The following FRMPD4 variants were observed in gnomAD, a reference collection of about 807,000 sequenced individuals.
The protein encoded by FRMPD4 is FERM and PDZ domain containing 4.
In FRMPD4, 22 loss-of-function variants were observed where a neutral mutation model predicts 94.1. That is an observed-to-expected ratio of 0.23 (90% CI 0.17 to 0.33). FRMPD4 has a LOEUF of 0.33. Ranked by LOEUF, FRMPD4 falls within the 10% of genes least tolerant of loss-of-function variation. The probability of loss-of-function intolerance (pLI) is 1.00; values close to 1 mark genes in which losing one functional copy is unlikely to be tolerated. For synonymous variants in FRMPD4, 631 were observed against 548.6 expected (o/e 1.15, Z -2.10); for missense variants, 1,111 against 1,339.9 (o/e 0.83, Z 2.67).
intron 1 of FRMPD4, among the ~76,000 whole-genome samples, chrX:12,212,665 A>T (rs1336853417): frequency 8.9e-6 from 1 of 112,022 alleles, no homozygotes; most frequent in Non-Finnish European, 1.9e-5. Flanking sequence ...GACAGATTTC[A>T]AACCTCAGGG....
At chrX:12,238,524 G>A (rs2057096749) in intron 1 of FRMPD4, among the ~76,000 whole-genome samples, 1 of 112,158 alleles carries the variant, frequency 8.9e-6, no homozygotes, top group African/African-American at 3.2e-5. Context: ...CTTCTATGGT[G>A]TTGATAAAAC....
intron 1 of FRMPD4, among the ~76,000 whole-genome samples, chrX:11,863,639 G>A (rs2053701361): frequency 9.0e-6 from 1 of 111,461 alleles, no homozygotes; most frequent in Admixed American, 9.5e-5. Context: ...TATTATGTAT[G>A]AAAAAAACAG....
chrX:12,206,820 TTTAA>T lies in FRMPD4; in HGVS notation c.41+67814_41+67817del, dbSNP rs776284504. Among the ~76,000 whole-genome samples the T allele has an allele frequency of 3.6e-5, 4 of 112,546 alleles. No individual in the cohort carries two copies. In the South Asian group the frequency reaches 1.5e-3, roughly 41 times the overall value. ...GATGTTTATGAACAACAAATTATCC[TTTAA>T]TTAATCCCTTTTGAGCTTGTGTTAT... On this transcript the variant is annotated intron_variant, in intron 1 of 16. Coordinates refer to ENST00000675598, the MANE Select transcript of FRMPD4 (RefSeq NM_001368397.1).
rs1555968129 is a variant in FRMPD4 at position 12,450,882 on chromosome X, A to AG, written c.42-47798_42-47797insG. Among the ~76,000 whole-genome samples the AG allele has an allele frequency of 3.8e-3, 408 of 107,072 alleles. 7 individuals are homozygous for AG. The highest frequency in any genetic ancestry group is 0.013 in the African/African-American group (374 of 28,871). The allele number at this position is 107,072 out of a possible 115,157, so 93.0% of individuals were successfully genotyped here. A position where few individuals can be genotyped will look rare whatever the true frequency, so the allele number is the denominator to read the frequency against. ...TTTATCCAAAAAAAAAAAAAAAAAA[A>AG]AGAGAGAGAGAAACAGACTGAGAGA... On this transcript the variant is annotated intron_variant, in intron 1 of 16. Transcript: ENST00000675598.
intron 2 of FRMPD4, among the ~76,000 whole-genome samples, chrX:11,870,037 A>G (rs1012994802): frequency 1.8e-5 from 2 of 111,892 alleles, no homozygotes; most frequent in African/African-American, 3.2e-5. Context: ...AACTGCACAA[A>G]AAGAAGTAGA....
At chrX:12,512,895 T>G (rs2058058544) in intron 2 of FRMPD4, among the ~76,000 whole-genome samples, 1 of 112,466 alleles carries the variant, frequency 8.9e-6, no homozygotes, top group Non-Finnish European at 1.9e-5. Flanking sequence ...GTTTCTAGAC[T>G]TTTTAATAAT....
intron 1 of FRMPD4, among the ~76,000 whole-genome samples, chrX:12,458,032 T>C (rs12853608): frequency 0.27 from 30,276 of 110,997 alleles, 3,159 homozygotes; most frequent in Non-Finnish European, 0.32. Context: ...ATGTAATTTA[T>C]GGTGAACAAC....
intron 1 of FRMPD4, among the ~76,000 whole-genome samples, chrX:12,169,766 A>G (rs1159268449): frequency 8.8e-6 from 1 of 113,004 alleles, no homozygotes; most frequent in African/African-American, 3.2e-5. Flanking sequence ...ACTTTTGTGC[A>G]TACAAAAGAA....
intron 3 of FRMPD4, among the ~76,000 whole-genome samples, chrX:11,885,441 A>G (rs1183784284): frequency 9.0e-6 from 1 of 111,276 alleles, no homozygotes; most frequent in African/African-American, 3.3e-5. Context: ...TCAGTTTTGC[A>G]AGATGAAAAG....
chrX:11,966,853 CTT>C (rs2054312255), intron 3 of FRMPD4, among the ~76,000 whole-genome samples: 1 of 111,727 alleles, frequency 9.0e-6, no homozygotes, highest in African/African-American at 3.2e-5. Flanking sequence ...AAGAGACTGA[CTT>C]ATATGAATGC....
At position 11,880,605 on chromosome X, in the gene FRMPD4, C is replaced by A. The variant is rs963593491; in HGVS notation, c.95+2587C>A. Among the ~76,000 whole-genome samples, 4 of 111,510 alleles carry A rather than the reference C, an allele frequency of 3.6e-5. No homozygotes were observed. In the Admixed American group the frequency reaches 3.8e-4, roughly 11 times the overall value. ...TTTTTTTTGTTTTCCTAACACAAAG[C>A]TTAGTATAAAGTATAGTGAAAATTG... is the stretch of plus-strand genomic sequence containing the variant. On this transcript the variant is annotated intron_variant, in intron 3 of 18. Coordinates refer to the FRMPD4 transcript ENST00000640291.
chrX:12,695,151 C>CA (rs1315170165), intron 9 of FRMPD4, among the ~76,000 whole-genome samples: 2 of 111,334 alleles, frequency 1.8e-5, no homozygotes, highest in Non-Finnish European at 3.8e-5. Flanking sequence ...AGAAATCTCT[C>CA]AATTTGGGTT....
At chrX:12,417,477 G>T (rs2056819167) in intron 1 of FRMPD4, among the ~76,000 whole-genome samples, 1 of 104,879 alleles carries the variant, frequency 9.5e-6, no homozygotes, top group Non-Finnish European at 1.9e-5. Flanking sequence ...TACTTGGGGG[G>T]CCAAGGCAGG....
rs374838344 is a variant in FRMPD4, at chrX:12,138,956, G to C, written c.-16G>C. 283 of 1,151,983 alleles carry C rather than the reference G, an allele frequency of 2.5e-4. No homozygotes were observed. Among genetic ancestry groups the C allele is most frequent in the Middle Eastern group, 1.7e-3 (7 of 4,098 alleles). The allele number at this position is 1,151,983 out of a possible 1,213,427, so 94.9% of individuals were successfully genotyped here. A position where few individuals can be genotyped will look rare whatever the true frequency, so the allele number is the denominator to read the frequency against. ...GGCGACGGAGTTGTCGCGCTCGGGG[G>C]TCCCCAGCTGCCTGCATGGATGTCT... On this transcript the variant is annotated 5_prime_UTR_variant, in exon 1 of 17. Transcript: ENST00000675598.
chrX:12,516,335 G>A (rs1176929113), intron 2 of FRMPD4, among the ~76,000 whole-genome samples: 1 of 111,981 alleles, frequency 8.9e-6, no homozygotes, highest in African/African-American at 3.2e-5. Flanking sequence ...AGTGGCTTGT[G>A]ATAGTTTTTC....
At chrX:12,599,863 A>G (rs1382219304) in intron 2 of FRMPD4, among the ~76,000 whole-genome samples, 4 of 111,666 alleles carry the variant, frequency 3.6e-5, no homozygotes, top group African/African-American at 9.8e-5. Context: ...ATTTATTCAT[A>G]ATTTATATAT....
At chrX:12,450,673 C>T (rs957777924) in intron 1 of FRMPD4, among the ~76,000 whole-genome samples, 1 of 110,125 alleles carries the variant, frequency 9.1e-6, no homozygotes, top group African/African-American at 3.3e-5. Context: ...GATTATTTTA[C>T]CAAGGAAGAA....
intron 1 of FRMPD4, among the ~76,000 whole-genome samples, chrX:12,427,036 T>TA (rs1355979371): frequency 8.9e-6 from 1 of 111,737 alleles, no homozygotes. Flanking sequence ...GCTAAATTGA[T>TA]ATATGTGAAG....
chrX:12,197,922 G>A (rs1001742748), intron 1 of FRMPD4, among the ~76,000 whole-genome samples: 2 of 111,685 alleles, frequency 1.8e-5, no homozygotes, highest in Non-Finnish European at 3.8e-5. Context: ...ATATAGATGT[G>A]TTTTGTTCTT....
Sources: allele counts gnomAD v4.1 joint callset (sites outside exome capture counted in the v4.1 genomes callset), GRCh38; gene constraint gnomAD v4.1.1; transcripts MANE v1.5; gene names NCBI Gene and HGNC (gene_info 2026-07-23, HGNC 2026-07-21).